The following ZNF451 variants were observed in gnomAD, a reference collection of about 807,000 sequenced individuals.
ZNF451 encodes the protein E3 SUMO-protein ligase ZNF451.
Under a neutral mutation model 107.1 loss-of-function variants are expected in ZNF451, and 80 were observed. That is an observed-to-expected ratio of 0.75 (90% CI 0.62 to 0.90). ZNF451 has a LOEUF of 0.90. Among genes scored for constraint, ZNF451 ranks in the 40% least tolerant of loss-of-function variants. ZNF451 has a pLI of 0.00. For synonymous variants in ZNF451, 362 were observed against 406.5 expected, an observed-to-expected ratio of 0.89 and a Z score of 1.32; for missense variants, 1,107 against 1,236.2, an observed-to-expected ratio of 0.90 and a Z score of 1.57.
At chr6:57,106,217 G>T (rs188570378) in intron 3 of ZNF451, 3 of 984,986 alleles carry the variant, frequency 3.0e-6, no homozygotes, top group Non-Finnish European at 3.6e-6. Flanking sequence ...TATTCTTGAA[G>T]ATATAACTAG....
chr6:57,155,818 C>CTTTT (rs528621372), intron 13 of ZNF451, among the ~76,000 whole-genome samples: 3 of 107,280 alleles, frequency 2.8e-5, no homozygotes, highest in African/African-American at 6.7e-5. Flanking sequence ...TCTAGGTATT[C>CTTTT]TTTTTTTTTT....
chr6:57,147,759 A>G lies in ZNF451; in HGVS notation c.1674A>G (p.Arg558=), dbSNP rs1411537864. 6.2e-7 allele frequency: 1 copy of G among 1,613,778 alleles called. No homozygotes were observed. Among genetic ancestry groups the G allele is most frequent in the Non-Finnish European group, 8.5e-7 (1 of 1,179,980 alleles). The change falls in exon 10 of 15, where the codon AGA becomes AGG. Residue 558 remains arginine, a synonymous_variant. Transcript: ENST00000370706. Reference sequence around the variant, plus strand: ...TGACTGAATTTCATAATGGACACAGATATTTTTATGAGATGGATGAGGTAG... The same window carrying G: ...TGACTGAATTTCATAATGGACACAGGTATTTTTATGAGATGGATGAGGTAG... ...AHVTEFHNGH[R]YFYEMDEVEG...
At chr6:57,164,601 A>G (rs1763817685) in intron 14 of ZNF451, among the ~76,000 whole-genome samples, 1 of 152,210 alleles carries the variant, frequency 6.6e-6, no homozygotes, top group Admixed American at 6.5e-5. Context: ...CCTTCAATTA[A>G]TAGCAGTCAA....
rs1305125483 is a variant in ZNF451, at chr6:57,148,020, T to A, written c.1935T>A (p.Phe645Leu). The A allele has an allele frequency of 6.2e-7, 1 of 1,614,004 alleles. No homozygotes were observed. Among genetic ancestry groups the A allele is most frequent in the Non-Finnish European group, 8.5e-7 (1 of 1,179,986 alleles). ...RYSCAHCRKP[F>L]HKIETLYRHC... ...GCTGTGCTCACTGCAGAAAGCCTTT[T>A]CATAAGATAGAAACATTGTACCGAC... Residue 645 changes from phenylalanine (F) to leucine (L), a missense_variant, in exon 10 of 15, where the codon TTT (phenylalanine) becomes TTA (leucine). Physicochemically the swap from Phe to Leu is conservative, Grantham distance 22. Around this residue, in one of 5 missense-constraint regions of ZNF451, gnomAD observed 608 missense variants for 649.2 expected, o/e 0.94. Transcript: ENST00000370706.
At chr6:57,144,991 TATTTA>T (rs1478727937) in intron 9 of ZNF451, among the ~76,000 whole-genome samples, 1 of 152,206 alleles carries the variant, frequency 6.6e-6, no homozygotes, top group Non-Finnish European at 1.5e-5. Context: ...TACATTTAGG[TATTTA>T]ATTTATAAAC....
At chr6:57,152,398 T>G in intron 12 of ZNF451, 47 bp downstream of exon 12, 1 of 1,608,636 alleles carries the variant, frequency 6.2e-7, no homozygotes, top group Non-Finnish European at 8.5e-7. Context: ...TCAGACCCAC[T>G]TGCATTTTTT....
intron 3 of ZNF451, chr6:57,106,506 A>C (rs1034348492): frequency 5.5e-5 from 37 of 675,606 alleles, no homozygotes; most frequent in Non-Finnish European, 6.6e-5. Context: ...GGGTCTCTCC[A>C]TGTTGGTCAG....
intron 4 of ZNF451, among the ~76,000 whole-genome samples, chr6:57,125,669 A>C (rs1206544470): frequency 1.3e-5 from 2 of 152,110 alleles, no homozygotes; most frequent in Non-Finnish European, 2.9e-5. Flanking sequence ...TCCTTATTCC[A>C]TTGGTTATTA....
At chr6:57,097,601 C>G (rs1829388755) in intron 2 of ZNF451, among the ~76,000 whole-genome samples, 1 of 152,182 alleles carries the variant, frequency 6.6e-6, no homozygotes, top group South Asian at 2.1e-4. Context: ...CATTCAGTGG[C>G]ATTTTATTGT....
At chr6:57,091,372 TAATGAAG>T (rs1404070311) in intron 2 of ZNF451, 1 of 126,210 alleles carries the variant, frequency 7.9e-6, no homozygotes, top group Admixed American at 8.3e-5. Context: ...TTGATGCTCA[TAATGAAG>T]AATCCTACAT....
At chr6:57,129,113 T>C (rs1246318381) in intron 5 of ZNF451, among the ~76,000 whole-genome samples, 8 of 152,270 alleles carry the variant, frequency 5.3e-5, no homozygotes, top group African/African-American at 1.9e-4. Context: ...TTAATAGTTA[T>C]TGCATGAAGT....
At chr6:57,103,071 A>C (rs1829683052) in intron 3 of ZNF451, 1 of 985,316 alleles carries the variant, frequency 1.0e-6, no homozygotes, top group African/African-American at 1.7e-5. Flanking sequence ...CTCTAAATAC[A>C]AAAAAGATAC....
chr6:57,138,731 A>ATGTG (rs1298715865), intron 7 of ZNF451, among the ~76,000 whole-genome samples: 61 of 113,136 alleles, frequency 5.4e-4, no homozygotes, highest in Admixed American at 8.4e-4. Context: ...ATATATATAT[A>ATGTG]TATATATATA....
chr6:57,136,018 C>G (rs1258668347), intron 7 of ZNF451, among the ~76,000 whole-genome samples: 4 of 152,140 alleles, frequency 2.6e-5, no homozygotes, highest in Admixed American at 2.6e-4. Context: ...TAATTGAATT[C>G]TGCAGTCCTC....
At chr6:57,145,736 A>G (rs901893466) in intron 9 of ZNF451, among the ~76,000 whole-genome samples, 6 of 152,104 alleles carry the variant, frequency 3.9e-5, no homozygotes, top group African/African-American at 1.2e-4. Context: ...CATTATCGCT[A>G]TTGTCAATAG....
Position 57,141,467 on chromosome 6 carries a change from C to T in ZNF451, c.856+12C>T, listed in dbSNP as rs767759224. Reference sequence around the variant, plus strand: ...TTTCAAACTGGGTGGTATGTTAATACTCTCTTCTGCTGAAAATTAAACTAC... The same window carrying T: ...TTTCAAACTGGGTGGTATGTTAATATTCTCTTCTGCTGAAAATTAAACTAC... On this transcript the variant is annotated intron_variant, in intron 8 of 14. Transcript: ENST00000370706. 19 of 1,591,628 alleles carry T rather than the reference C, an allele frequency of 1.2e-5. No homozygotes were observed. In the Admixed American group the frequency reaches 3.1e-4, roughly 26 times the overall value.
chr6:57,123,672 GAAAA>G (rs929301156), intron 3 of ZNF451, among the ~76,000 whole-genome samples: 1 of 143,000 alleles, frequency 7.0e-6, no homozygotes, highest in African/African-American at 2.6e-5. Flanking sequence ...AAATAAAAAT[GAAAA>G]AAAAAAAGTT....
chr6:57,131,159 C>G (rs1159180116), intron 5 of ZNF451, among the ~76,000 whole-genome samples: 1 of 152,070 alleles, frequency 6.6e-6, no homozygotes, highest in Non-Finnish European at 1.5e-5. Context: ...TAATTCAGTT[C>G]TTTCATTAGA....
intron 3 of ZNF451, chr6:57,108,790 C>T: frequency 1.0e-6 from 1 of 985,428 alleles, no homozygotes; most frequent in Non-Finnish European, 1.2e-6. Flanking sequence ...GTCTGTAGTA[C>T]AGGCTCTGTG....
Sources: allele counts gnomAD v4.1 joint callset (sites outside exome capture counted in the v4.1 genomes callset), GRCh38; gene constraint gnomAD v4.1.1; regional missense constraint gnomAD v4.1.1; transcripts MANE v1.5; gene names NCBI Gene and HGNC (gene_info 2026-07-23, HGNC 2026-07-21).